The following XPR1 variants were observed in gnomAD, a reference collection of about 807,000 sequenced individuals.
XPR1 encodes xenotropic and polytropic retrovirus receptor 1.
In XPR1, 28 loss-of-function variants were observed where a neutral mutation model predicts 87.5. That is an observed-to-expected ratio of 0.32 (90% CI 0.24 to 0.44). XPR1 has a LOEUF of 0.44. Ranked by LOEUF, XPR1 falls within the 20% of genes least tolerant of loss-of-function variation. The pLI is 1.00. For synonymous variants in XPR1, 300 were observed against 306.1 expected (o/e 0.98, Z 0.21); for missense variants, 559 against 862.3 (o/e 0.65, Z 4.41).
intron 9 of XPR1, among the ~76,000 whole-genome samples, chr1:180,831,811 G>A (rs561879971): frequency 6.6e-6 from 1 of 152,188 alleles, no homozygotes; most frequent in Admixed American, 6.5e-5. Context: ...GGGCGTTTGG[G>A]TTGGTTCCAA....
chr1:180,789,968 A>G (rs553399183), intron 3 of XPR1, among the ~76,000 whole-genome samples: 1 of 152,230 alleles, frequency 6.6e-6, no homozygotes, highest in East Asian at 1.9e-4. Flanking sequence ...ATCATTTTTC[A>G]TGCTCCAAAG....
chr1:180,816,529 A>G (rs1420291176), intron 7 of XPR1, among the ~76,000 whole-genome samples: 1 of 152,332 alleles, frequency 6.6e-6, no homozygotes, highest in East Asian at 1.9e-4. Flanking sequence ...GTATGAGAAC[A>G]CTTAAGTAAT....
intron 1 of XPR1, among the ~76,000 whole-genome samples, chr1:180,654,256 T>G (rs947534713): frequency 6.6e-6 from 1 of 152,036 alleles, no homozygotes; most frequent in Non-Finnish European, 1.5e-5. Context: ...ATCACTCTAC[T>G]AAAACTACTT....
rs544723621 is a variant in XPR1, at chr1:180,710,685, A to G, written c.121+28274A>G. ...ACTATTCGACAAAACCGCCATTGTC[A>G]TCATGGCCTGCTCTCAATGAGCTGT... On this transcript the variant is annotated intron_variant, in intron 2 of 14. Coordinates refer to ENST00000367590, the MANE Select transcript of XPR1 (RefSeq NM_004736.4). Among the ~76,000 whole-genome samples, 81 of 152,342 alleles carry G rather than the reference A, an allele frequency of 5.3e-4. 1 individual carries two copies. Among genetic ancestry groups the G allele is most frequent in the African/African-American group, 1.9e-3 (77 of 41,580 alleles).
chr1:180,650,393 G>T (rs1222887344), intron 1 of XPR1, among the ~76,000 whole-genome samples: 1 of 152,052 alleles, frequency 6.6e-6, no homozygotes, highest in Non-Finnish European at 1.5e-5. Flanking sequence ...ACAGCACTAT[G>T]CCTGGCTCCC....
chr1:180,829,593 G>C (rs1192426671), intron 9 of XPR1, among the ~76,000 whole-genome samples: 1 of 152,030 alleles, frequency 6.6e-6, no homozygotes, highest in Non-Finnish European at 1.5e-5. Flanking sequence ...CTATAATATG[G>C]TGCTATAATT....
intron 2 of XPR1, among the ~76,000 whole-genome samples, chr1:180,767,888 A>C (rs533487735): frequency 6.6e-6 from 1 of 151,900 alleles, no homozygotes; most frequent in South Asian, 2.1e-4. Context: ...TCTGTTGCCC[A>C]GGCTGGAGTG....
At chr1:180,646,119 A>G (rs1655111716) in intron 1 of XPR1, among the ~76,000 whole-genome samples, 3 of 152,204 alleles carry the variant, frequency 2.0e-5, no homozygotes. Flanking sequence ...GGTTCCCATT[A>G]ATGCTAACAA....
intron 2 of XPR1, among the ~76,000 whole-genome samples, chr1:180,709,814 C>T (rs1657700776): frequency 6.7e-6 from 1 of 150,182 alleles, no homozygotes; most frequent in Non-Finnish European, 1.5e-5. Context: ...GGTATATCTT[C>T]TTTAGGAAAA....
intron 2 of XPR1, among the ~76,000 whole-genome samples, chr1:180,703,244 G>A (rs748253639): frequency 1.2e-4 from 19 of 152,162 alleles, no homozygotes; most frequent in Non-Finnish European, 2.4e-4. Context: ...GCCAGCAGTA[G>A]TGATCAGGGT....
intron 2 of XPR1, among the ~76,000 whole-genome samples, chr1:180,750,387 A>G (rs1380611467): frequency 2.0e-5 from 3 of 152,178 alleles, no homozygotes; most frequent in East Asian, 3.8e-4. Context: ...ATATGTTACT[A>G]ATCAGGGAAA....
chr1:180,773,080 A>T (rs1445061026), intron 2 of XPR1, among the ~76,000 whole-genome samples: 1 of 152,184 alleles, frequency 6.6e-6, no homozygotes, highest in Non-Finnish European at 1.5e-5. Flanking sequence ...CAAGAGATAG[A>T]GACTAGTAAA....
intron 11 of XPR1, among the ~76,000 whole-genome samples, chr1:180,853,174 C>T (rs1349984200): frequency 1.3e-5 from 2 of 152,154 alleles, no homozygotes; most frequent in East Asian, 1.9e-4. Flanking sequence ...GTTTTCCACC[C>T]GCCTCGGCCT....
At chr1:180,803,679 C>T in intron 4 of XPR1, 68 bp downstream of exon 4, 1 of 1,365,978 alleles carries the variant, frequency 7.3e-7, no homozygotes, top group South Asian at 1.3e-5. Context: ...AATGGAAGTA[C>T]CCTAAAGTAT....
At chr1:180,767,728 A>G (rs1048926416) in intron 2 of XPR1, among the ~76,000 whole-genome samples, 1 of 152,202 alleles carries the variant, frequency 6.6e-6, no homozygotes, top group African/African-American at 2.4e-5. Context: ...TCTGTACAGT[A>G]CGTACACATG....
intron 1 of XPR1, among the ~76,000 whole-genome samples, chr1:180,672,975 A>G (rs1656236807): frequency 6.6e-6 from 1 of 152,084 alleles, no homozygotes; most frequent in African/African-American, 2.4e-5. Flanking sequence ...TTTATTGTTT[A>G]TTAATCCAGT....
chr1:180,720,124 T>C (rs1658133250), intron 2 of XPR1, among the ~76,000 whole-genome samples: 1 of 151,454 alleles, frequency 6.6e-6, no homozygotes, highest in East Asian at 1.9e-4. Context: ...GCCGGGGGCG[T>C]GGGGGTGGTG....
intron 11 of XPR1, among the ~76,000 whole-genome samples, chr1:180,856,099 T>A (rs1183237545): frequency 1.3e-5 from 2 of 152,202 alleles, no homozygotes; most frequent in Non-Finnish European, 2.9e-5. Flanking sequence ...TTTCCTTTTC[T>A]CTATCCTGCA....
chr1:180,667,647 A>G (rs1656007017), intron 1 of XPR1, among the ~76,000 whole-genome samples: 1 of 152,108 alleles, frequency 6.6e-6, no homozygotes, highest in Non-Finnish European at 1.5e-5. Flanking sequence ...CCTCCTGTTC[A>G]GTTTTTTGGA....
Sources: gnomAD v4.1 joint callset for allele counts (sites outside exome capture counted in the v4.1 genomes callset) on GRCh38, gnomAD v4.1.1 for gene constraint, MANE v1.5 for transcripts, NCBI Gene and HGNC (gene_info 2026-07-23, HGNC 2026-07-21) for gene names.